Variants in PDE1C observed in about 807,000 individuals in gnomAD.
PDE1C encodes the protein dual specificity calcium/calmodulin-dependent 3',5'-cyclic nucleotide phosphodiesterase 1C.
In PDE1C, 62 loss-of-function variants were observed where a neutral mutation model predicts 93.1. That is an observed-to-expected ratio of 0.67 (90% CI 0.54 to 0.82). The LOEUF (loss-of-function observed/expected upper bound fraction) is 0.82. PDE1C is among the 40% of genes least tolerant of loss of function. The pLI is 0.00. For synonymous variants in PDE1C, 325 were observed against 310.1 expected, an observed-to-expected ratio of 1.05 and a Z score of -0.50; for missense variants, 742 against 884.6, an observed-to-expected ratio of 0.84 and a Z score of 2.04.
At chr7:31,819,365 T>C (rs1788669687) in intron 14 of PDE1C, among the ~76,000 whole-genome samples, 1 of 152,146 alleles carries the variant, frequency 6.6e-6, no homozygotes, top group Non-Finnish European at 1.5e-5. Flanking sequence ...CTGGGTGAAA[T>C]TATCGGTATA....
the PDE1C span, among the ~76,000 whole-genome samples, chr7:31,711,488 A>G: frequency 6.6e-6 from 1 of 152,210 alleles, no homozygotes; most frequent in African/African-American, 2.4e-5. Flanking sequence ...CTGTTTATAT[A>G]GTGTGAAACT....
the PDE1C span, among the ~76,000 whole-genome samples, chr7:31,641,917 T>A: frequency 6.6e-6 from 1 of 152,238 alleles, no homozygotes; most frequent in African/African-American, 2.4e-5. Context: ...TATTGTTATT[T>A]GGTTTTGAGA....
At chr7:31,898,813 T>A (rs937747978) in intron 2 of PDE1C, among the ~76,000 whole-genome samples, 6 of 152,160 alleles carry the variant, frequency 3.9e-5, no homozygotes, top group African/African-American at 1.4e-4. Flanking sequence ...TGGAAGGCAA[T>A]GGAAATATAT....
chr7:31,815,890 G>A (rs372193626), intron 15 of PDE1C, 34 bp downstream of exon 15: 47 of 1,477,480 alleles, frequency 3.2e-5, no homozygotes, highest in Middle Eastern at 1.7e-4. Context: ...TTAATGCCGC[G>A]AAAAGAGCCC....
the PDE1C span, among the ~76,000 whole-genome samples, chr7:31,651,585 A>C: frequency 6.6e-6 from 1 of 152,116 alleles, no homozygotes; most frequent in Non-Finnish European, 1.5e-5. Flanking sequence ...GAAAATCTGC[A>C]TTGGGGCTGG....
chr7:32,093,419 C>A (rs1054498376), intron 3 of PDE1C, among the ~76,000 whole-genome samples: 1 of 152,232 alleles, frequency 6.6e-6, no homozygotes, highest in Admixed American at 6.5e-5. Flanking sequence ...ACTGCATCTC[C>A]TGCTTTGGTC....
At chr7:32,329,539 G>C (rs776997997) in intron 1 of PDE1C, among the ~76,000 whole-genome samples, 1 of 152,088 alleles carries the variant, frequency 6.6e-6, no homozygotes, top group Non-Finnish European at 1.5e-5. Flanking sequence ...TTTCCACAGA[G>C]GTATGGCAGC....
At chr7:32,185,754 C>T (rs6952643) in intron 2 of PDE1C, among the ~76,000 whole-genome samples, 65,841 of 151,972 alleles carry the variant, frequency 0.43, 15,331 homozygotes, top group East Asian at 0.76. Flanking sequence ...TAGTCACATG[C>T]GGCAATTTAA....
intron 3 of PDE1C, among the ~76,000 whole-genome samples, chr7:32,096,220 C>A (rs1797739686): frequency 6.6e-6 from 1 of 152,182 alleles, no homozygotes; most frequent in South Asian, 2.1e-4. Context: ...CCCAGTATAA[C>A]TTTGGGAACT....
rs116531405 is a variant in PDE1C, at chr7:32,080,374, T to C, written c.308+89411A>G. 4.0e-3 allele frequency among the ~76,000 whole-genome samples: 607 copies of C among 152,254 alleles called. 6 individuals are homozygous for C. Among genetic ancestry groups the C allele is most frequent in the African/African-American group, 0.014 (584 of 41,522 alleles). On this transcript the variant is annotated intron_variant, in intron 3 of 18. Coordinates refer to the PDE1C transcript ENST00000396193. ...GCTTCTCAGACAAGTACTGTGAAAT[T>C]TATTTCATTTATGGCACAAAGTTAG... is the stretch of plus-strand genomic sequence containing the variant.
At chr7:32,144,695 G>A (rs1180834859) in intron 3 of PDE1C, among the ~76,000 whole-genome samples, 2 of 152,208 alleles carry the variant, frequency 1.3e-5, no homozygotes, top group Non-Finnish European at 1.5e-5. Flanking sequence ...GGCAGGTATG[G>A]TTAGGGGTGA....
chr7:32,122,289 C>G (rs1799344433), intron 3 of PDE1C, among the ~76,000 whole-genome samples: 1 of 152,098 alleles, frequency 6.6e-6, no homozygotes, highest in African/African-American at 2.4e-5. Context: ...TTCAACACCC[C>G]ACTTTCAATA....
intron 1 of PDE1C, among the ~76,000 whole-genome samples, chr7:32,411,036 C>T (rs1398760905): frequency 6.6e-6 from 1 of 152,102 alleles, no homozygotes; most frequent in Admixed American, 6.5e-5. Flanking sequence ...GAAATATGCC[C>T]GAGTGTATAC....
At chr7:31,879,967 T>C (rs572869512) in intron 3 of PDE1C, among the ~76,000 whole-genome samples, 1 of 151,938 alleles carries the variant, frequency 6.6e-6, no homozygotes, top group African/African-American at 2.4e-5. Flanking sequence ...AACATAACAT[T>C]TGGAAAAAAG....
At chr7:31,681,230 T>C in the PDE1C span, among the ~76,000 whole-genome samples, 1 of 151,832 alleles carries the variant, frequency 6.6e-6, no homozygotes, top group East Asian at 2.0e-4. Flanking sequence ...TACTTGGCCA[T>C]CTTCCCTGCC....
At chr7:31,875,831 A>ATATATATATATATGTATATG (rs761399274) in intron 5 of PDE1C, among the ~76,000 whole-genome samples, 2 of 90,122 alleles carry the variant, frequency 2.2e-5, no homozygotes, top group Admixed American at 1.3e-4. Context: ...ATATATATAT[A>ATATATATATATATGTATATG]TATAATGGAA....
intron 1 of PDE1C, among the ~76,000 whole-genome samples, chr7:32,271,285 A>T (rs1046496329): frequency 1.3e-5 from 2 of 152,206 alleles, no homozygotes; most frequent in African/African-American, 4.8e-5. Context: ...CAGTGGAAAG[A>T]GTTTTGCTTT....
At chr7:32,085,591 G>A (rs899698201) in intron 3 of PDE1C, among the ~76,000 whole-genome samples, 12 of 146,330 alleles carry the variant, frequency 8.2e-5, no homozygotes, top group African/African-American at 3.1e-4. Context: ...GAACATTGAT[G>A]CAAAAATCCT....
chr7:32,299,389 C>T (rs1382797367), upstream of PDE1C: 3 of 985,572 alleles, frequency 3.0e-6, no homozygotes, highest in East Asian at 1.1e-4. Context: ...CCTGGAGCCC[C>T]GATAGTGTTT....
Sources: gnomAD v4.1 joint callset for allele counts (sites outside exome capture counted in the v4.1 genomes callset) on GRCh38, gnomAD v4.1.1 for gene constraint, MANE v1.5 for transcripts, NCBI Gene and HGNC (gene_info 2026-07-23, HGNC 2026-07-21) for gene names.